SLC37A1: variants seen among roughly 807,000 people sequenced by gnomAD.
SLC37A1 encodes the protein glucose-6-phosphate exchanger SLC37A1.
Under a neutral mutation model 75.3 loss-of-function variants are expected in SLC37A1, and 49 were observed. The observed-to-expected ratio is 0.65, with a 90% CI of 0.52 to 0.83. The LOEUF is 0.83. Ranked by LOEUF, SLC37A1 falls within the 40% of genes least tolerant of loss-of-function variation. The pLI, the probability that SLC37A1 is intolerant of heterozygous loss-of-function variation, is 0.00. For missense variants in SLC37A1, 566 were observed against 695.0 expected, an observed-to-expected ratio of 0.81 and a Z score of 2.09; for synonymous variants, 268 against 292.1, an observed-to-expected ratio of 0.92 and a Z score of 0.84.
At chr21:42,546,377 T>C (rs1000393671) in intron 8 of SLC37A1, among the ~76,000 whole-genome samples, 2 of 152,218 alleles carry the variant, frequency 1.3e-5, no homozygotes, top group African/African-American at 4.8e-5. Context: ...CTCCACTCAT[T>C]TTTATTTCTA....
At chr21:42,524,812 C>T (rs1018041360) in intron 2 of SLC37A1, among the ~76,000 whole-genome samples, 1 of 152,206 alleles carries the variant, frequency 6.6e-6, no homozygotes, top group African/African-American at 2.4e-5. Flanking sequence ...GTTCTGGGCA[C>T]ACAGCTCCTA....
At chr21:42,504,971 T>C (rs1452386852) in intron 2 of SLC37A1, among the ~76,000 whole-genome samples, 4 of 152,158 alleles carry the variant, frequency 2.6e-5, no homozygotes, top group Non-Finnish European at 5.9e-5. Context: ...TCCTTCCAAA[T>C]TATTCCAAAT....
At chr21:42,515,167 G>C (rs988676053) in intron 1 of SLC37A1, among the ~76,000 whole-genome samples, 1 of 152,136 alleles carries the variant, frequency 6.6e-6, no homozygotes, top group Non-Finnish European at 1.5e-5. Context: ...CAGCCAAGGG[G>C]AAAGAGATAG....
At chr21:42,566,952 C>T (rs770378577) in intron 15 of SLC37A1, 33 bp from the exon 16 acceptor site, 6 of 1,595,128 alleles carry the variant, frequency 3.8e-6, no homozygotes, top group Non-Finnish European at 5.1e-6. Flanking sequence ...CTGGAGGGCA[C>T]ATTTCCATTC....
intron 13 of SLC37A1, 143 bp downstream of exon 13, chr21:42,564,020 A>C: frequency 2.4e-6 from 2 of 828,068 alleles, no homozygotes; most frequent in Non-Finnish European, 3.9e-6. Flanking sequence ...TCAGGCCGTC[A>C]CCTGGGGGTG....
intron 12 of SLC37A1, among the ~76,000 whole-genome samples, chr21:42,562,817 C>T (rs1419354551): frequency 1.3e-5 from 2 of 151,476 alleles, no homozygotes; most frequent in South Asian, 2.1e-4. Context: ...GGGCTCTTCG[C>T]CCCGGGAGCC....
chr21:42,507,844 G>T (rs2054398211), intron 2 of SLC37A1, among the ~76,000 whole-genome samples: 1 of 152,134 alleles, frequency 6.6e-6, no homozygotes, highest in Non-Finnish European at 1.5e-5. Flanking sequence ...ATTCCTGAGA[G>T]ATCTCCCCCG....
chr21:42,536,377 C>G (rs145122705), intron 5 of SLC37A1, among the ~76,000 whole-genome samples: 232 of 152,298 alleles, frequency 1.5e-3, no homozygotes, highest in African/African-American at 5.4e-3. Context: ...CATTCTTGAT[C>G]CCACTTTGAA....
chr21:42,574,066 CATA>C (rs1248898452), intron 17 of SLC37A1, among the ~76,000 whole-genome samples: 4 of 152,194 alleles, frequency 2.6e-5, no homozygotes, highest in East Asian at 3.8e-4. Context: ...CACACACATG[CATA>C]ATTTTTCTGA....
At chr21:42,534,117 C>G (rs965325529) in intron 3 of SLC37A1, among the ~76,000 whole-genome samples, 1 of 152,162 alleles carries the variant, frequency 6.6e-6, no homozygotes, top group Non-Finnish European at 1.5e-5. Context: ...CCACATTGTC[C>G]CCCTTTAGGT....
intron 10 of SLC37A1, among the ~76,000 whole-genome samples, chr21:42,554,873 T>C: frequency 6.6e-6 from 1 of 152,314 alleles, no homozygotes; most frequent in East Asian, 1.9e-4. Flanking sequence ...TGCTGCTGCT[T>C]AGCTGACCAC....
chr21:42,513,046 T>TC (rs2054454255), upstream of SLC37A1, among the ~76,000 whole-genome samples: 1 of 152,172 alleles, frequency 6.6e-6, no homozygotes, highest in Non-Finnish European at 1.5e-5. Flanking sequence ...GCAGGCTTTT[T>TC]CCCCGGAAAA....
chr21:42,568,257 T>A, intron 16 of SLC37A1, 103 bp from the exon 17 acceptor site: 1 of 867,350 alleles, frequency 1.2e-6, no homozygotes, highest in Non-Finnish European at 1.9e-6. Flanking sequence ...ACCCTCACGA[T>A]GAGTTGTTTT....
intron 18 of SLC37A1, among the ~76,000 whole-genome samples, chr21:42,577,345 A>G (rs1488490532): frequency 1.3e-5 from 2 of 152,286 alleles, no homozygotes; most frequent in East Asian, 3.8e-4. Flanking sequence ...ATGTCTTTAA[A>G]AAATCAACAA....
At chr21:42,562,616 A>T (rs1320181287) in intron 12 of SLC37A1, among the ~76,000 whole-genome samples, 1 of 152,146 alleles carries the variant, frequency 6.6e-6, no homozygotes, top group African/African-American at 2.4e-5. Context: ...TATGTTTCAG[A>T]AGCCCCGCAG....
chr21:42,529,846 A>G (rs927375838), intron 3 of SLC37A1, among the ~76,000 whole-genome samples: 1 of 152,120 alleles, frequency 6.6e-6, no homozygotes, highest in Non-Finnish European at 1.5e-5. Context: ...ACTGGTCGTG[A>G]GGGGAGAGGA....
chr21:42,569,631 C>T lies in SLC37A1; in HGVS notation c.1423+1193C>T, dbSNP rs571925550. Reference sequence around the variant, plus strand: ...TCCTGGGACCACCCTGCTGAGAACGCGTGAACCCTTCCGACTCGGCCTCCA... The same window carrying T: ...TCCTGGGACCACCCTGCTGAGAACGTGTGAACCCTTCCGACTCGGCCTCCA... On this transcript the variant is annotated intron_variant, in intron 17 of 19. Transcript: ENST00000352133. 5.3e-5 allele frequency among the ~76,000 whole-genome samples: 8 copies of T among 152,350 alleles called. No individual in the cohort carries two copies. The East Asian group carries it at 9.7e-4, about 18-fold the overall frequency.
In SLC37A1 at chr21:42,542,573, T is replaced by C. The variant is rs192252162; in HGVS notation, c.563+93T>C. On this transcript the variant is annotated intron_variant, in intron 7 of 19. Coordinates refer to ENST00000352133, the MANE Select transcript of SLC37A1 (RefSeq NM_001320537.2). Reference sequence around the variant, plus strand: ...TAGACTGATTACAGCAAAAACACTTTAGTATCCTCTTTAAAATAAGATGGC... The same window carrying C: ...TAGACTGATTACAGCAAAAACACTTCAGTATCCTCTTTAAAATAAGATGGC... The C allele has an allele frequency of 1.1e-4, 128 of 1,198,072 alleles. No homozygotes were observed. In the Admixed American group the frequency reaches 2.4e-3, roughly 22 times the overall value. 74.2% of individuals were successfully genotyped at this position (1,198,072 alleles called of 1,614,324 possible).
chr21:42,540,506 T>G, intron 6 of SLC37A1, among the ~76,000 whole-genome samples: 1 of 151,330 alleles, frequency 6.6e-6, no homozygotes, highest in African/African-American at 2.4e-5. Flanking sequence ...CAGGAGGGGG[T>G]GTGAGGCAGT....
Sources: gnomAD v4.1 joint callset for allele counts (sites outside exome capture counted in the v4.1 genomes callset) on GRCh38, gnomAD v4.1.1 for gene constraint, MANE v1.5 for transcripts, NCBI Gene and HGNC (gene_info 2026-07-23, HGNC 2026-07-21) for gene names.